PCED1B: variants seen among roughly 807,000 people sequenced by gnomAD.
PCED1B encodes PC-esterase domain-containing protein 1B.
For synonymous variants in PCED1B, 251 were observed against 246.1 expected, an observed-to-expected ratio of 1.02 and a Z score of -0.19; for missense variants, 573 against 573.9, an observed-to-expected ratio of 1.00 and a Z score of 0.02.
At chr12:47,194,162 C>A (rs1401579543) in intron 2 of PCED1B, among the ~76,000 whole-genome samples, 1 of 152,128 alleles carries the variant, frequency 6.6e-6, no homozygotes, top group Non-Finnish European at 1.5e-5. Flanking sequence ...CACTGCCTGC[C>A]TCCTCTCAGG....
chr12:47,089,755 A>G (rs1194243036), intron 1 of PCED1B, among the ~76,000 whole-genome samples: 1 of 151,936 alleles, frequency 6.6e-6, no homozygotes, highest in Admixed American at 6.6e-5. Flanking sequence ...GGCAGAAGGC[A>G]TGAAGCAGTT....
At chr12:47,164,179 T>C (rs1941473087) in intron 2 of PCED1B, among the ~76,000 whole-genome samples, 1 of 152,188 alleles carries the variant, frequency 6.6e-6, no homozygotes, top group Non-Finnish European at 1.5e-5. Context: ...TCTTCTCACA[T>C]ACAAAATAGA....
chr12:47,149,715 T>C (rs1198618321), intron 2 of PCED1B, among the ~76,000 whole-genome samples: 1 of 152,176 alleles, frequency 6.6e-6, no homozygotes, highest in Non-Finnish European at 1.5e-5. Context: ...TTGTGGAGAA[T>C]TTAGGAGAAA....
chr12:47,199,704 A>C (rs986997936), intron 2 of PCED1B, among the ~76,000 whole-genome samples: 1 of 152,234 alleles, frequency 6.6e-6, no homozygotes, highest in African/African-American at 2.4e-5. Context: ...CAGACTTTGC[A>C]CCTTTCACAA....
intron 2 of PCED1B, among the ~76,000 whole-genome samples, chr12:47,117,752 A>G (rs903256372): frequency 1.3e-5 from 2 of 152,214 alleles, no homozygotes; most frequent in African/African-American, 4.8e-5. Flanking sequence ...TTCTAGTTCT[A>G]GATCCTTGAG....
chr12:47,195,562 C>A (rs1267855015), intron 2 of PCED1B, among the ~76,000 whole-genome samples: 3 of 151,922 alleles, frequency 2.0e-5, no homozygotes, highest in Non-Finnish European at 1.5e-5. Flanking sequence ...CAAAAAAAAA[C>A]CCCACCATAG....
intron 2 of PCED1B, among the ~76,000 whole-genome samples, chr12:47,156,961 A>G (rs1298662809): frequency 6.6e-6 from 1 of 152,166 alleles, no homozygotes; most frequent in African/African-American, 2.4e-5. Flanking sequence ...AAGTGAGATG[A>G]TCTAAGTAAA....
chr12:47,087,706 T>G (rs1385225053), intron 1 of PCED1B, among the ~76,000 whole-genome samples: 1 of 152,216 alleles, frequency 6.6e-6, no homozygotes, highest in East Asian at 1.9e-4. Flanking sequence ...TAGATCTTAC[T>G]CATTTTGTTG....
intron 2 of PCED1B, among the ~76,000 whole-genome samples, chr12:47,188,820 T>TA: frequency 6.6e-6 from 1 of 152,192 alleles, no homozygotes. Flanking sequence ...TCATTCTCCG[T>TA]AAAAAACAGG....
At chr12:47,184,015 T>C (rs528788604) in intron 2 of PCED1B, among the ~76,000 whole-genome samples, 146 of 152,314 alleles carry the variant, frequency 9.6e-4, no homozygotes, top group Non-Finnish European at 1.7e-3. Flanking sequence ...AAACCAGCAA[T>C]AGAGAGAATA....
chr12:47,117,235 A>C (rs1939461031), intron 2 of PCED1B, among the ~76,000 whole-genome samples: 1 of 152,176 alleles, frequency 6.6e-6, no homozygotes, highest in Non-Finnish European at 1.5e-5. Flanking sequence ...TCTAGGGTAC[A>C]TGTGCACAAT....
intron 2 of PCED1B, among the ~76,000 whole-genome samples, chr12:47,181,733 C>A (rs1022678050): frequency 2.0e-5 from 3 of 151,606 alleles, no homozygotes; most frequent in Admixed American, 6.6e-5. Flanking sequence ...AAATTCAGAA[C>A]ATTTTTCTTC....
chr12:47,173,361 C>T (rs1161279414), intron 2 of PCED1B, among the ~76,000 whole-genome samples: 2 of 152,224 alleles, frequency 1.3e-5, no homozygotes, highest in African/African-American at 2.4e-5. Context: ...TCAAGCGATT[C>T]TCCTGCCTCA....
rs1938756920 is a variant in PCED1B, at chr12:47,102,578, C to T, written c.-608-1535C>T. On this transcript the variant is annotated intron_variant, in intron 1 of 3. Transcript: ENST00000546455. ...GAGCCATAAAACTGCCATTTTTGGT[C>T]AGGAATGATTTACCACTGGTAGTTT... is the stretch of plus-strand genomic sequence containing the variant. 2.0e-5 allele frequency among the ~76,000 whole-genome samples: 3 copies of T among 152,098 alleles called. No homozygotes were observed. The South Asian group carries it at 6.2e-4, about 32-fold the overall frequency.
chr12:47,195,907 C>CT (rs1184789744), intron 2 of PCED1B, among the ~76,000 whole-genome samples: 1 of 152,118 alleles, frequency 6.6e-6, no homozygotes, highest in Non-Finnish European at 1.5e-5. Flanking sequence ...TAACCATTTG[C>CT]TTTTTTCTTG....
At chr12:47,163,622 G>C (rs1941457438) in intron 2 of PCED1B, among the ~76,000 whole-genome samples, 1 of 152,112 alleles carries the variant, frequency 6.6e-6, no homozygotes, top group African/African-American at 2.4e-5. Flanking sequence ...TTTTAATTAT[G>C]AAAGGCTGTT....
At chr12:47,202,153 T>A (rs1296105171) in intron 2 of PCED1B, among the ~76,000 whole-genome samples, 3 of 152,244 alleles carry the variant, frequency 2.0e-5, no homozygotes, top group Admixed American at 2.0e-4. Flanking sequence ...AACCTGATTC[T>A]AATGTGCTAC....
chr12:47,124,526 A>G (rs1159797732), intron 2 of PCED1B, among the ~76,000 whole-genome samples: 5 of 141,026 alleles, frequency 3.5e-5, no homozygotes, highest in African/African-American at 8.0e-5. Context: ...TTTTTTTTGT[A>G]TACAATTGAG....
rs536297330 is a variant in PCED1B at position 47,204,128 on chromosome 12, A to C, written c.-525-12094A>C. 4.6e-5 allele frequency among the ~76,000 whole-genome samples: 7 copies of C among 152,298 alleles called. No homozygotes were observed. The South Asian group carries it at 8.3e-4, about 18-fold the overall frequency. On this transcript the variant is annotated intron_variant, in intron 2 of 3. Coordinates refer to ENST00000546455, the MANE Select transcript of PCED1B (RefSeq NM_138371.3). ...CCTGGCTAATTTTTGTATTTTTAGTAGAGACAGGGTTTCATTCGCTATGTT... is the reference window on the plus strand; with the variant it reads ...CCTGGCTAATTTTTGTATTTTTAGTCGAGACAGGGTTTCATTCGCTATGTT...
Sources: allele counts gnomAD v4.1 joint callset (sites outside exome capture counted in the v4.1 genomes callset), GRCh38; gene constraint gnomAD v4.1.1; transcripts MANE v1.5; gene names NCBI Gene and HGNC (gene_info 2026-07-23, HGNC 2026-07-21).